The following CFAP91 variants were observed in gnomAD, a reference collection of about 807,000 sequenced individuals.
CFAP91 encodes the protein cilia- and flagella-associated protein 91.
Under a neutral mutation model 95.9 loss-of-function variants are expected in CFAP91, and 85 were observed. The ratio of observed to expected loss-of-function variants is 0.89; its 90% CI spans 0.74 to 1.06. The LOEUF is 1.06. Ranked by LOEUF, CFAP91 falls within the 50% of genes least tolerant of loss-of-function variation. The probability of loss-of-function intolerance (pLI) is 0.00; values close to 1 mark genes in which losing one functional copy is unlikely to be tolerated. For synonymous variants in CFAP91, 335 were observed against 327.5 expected, an observed-to-expected ratio of 1.02 and a Z score of -0.25; for missense variants, 962 against 943.4, an observed-to-expected ratio of 1.02 and a Z score of -0.26.
intron 10 of CFAP91, among the ~76,000 whole-genome samples, chr3:119,734,372 C>T (rs1408088027): frequency 6.6e-6 from 1 of 152,118 alleles, no homozygotes; most frequent in Non-Finnish European, 1.5e-5. Flanking sequence ...CATCCCCACG[C>T]CCCCATCTCC....
At chr3:119,736,075 C>T (rs1329929593) in intron 10 of CFAP91, among the ~76,000 whole-genome samples, 1 of 151,660 alleles carries the variant, frequency 6.6e-6, no homozygotes, top group African/African-American at 2.4e-5. Context: ...AATTCGCACA[C>T]AATAAAATCA....
chr3:119,729,000 G>A (rs55734421), intron 7 of CFAP91, among the ~76,000 whole-genome samples: 5,518 of 152,252 alleles, frequency 0.036, 343 homozygotes, highest in African/African-American at 0.13. Flanking sequence ...CATATGGTGG[G>A]CACTTAATAA....
Position 119,707,433 on chromosome 3 carries a change from C to G in CFAP91, c.231C>G (p.Phe77Leu), listed in dbSNP as rs1187716958. The change falls in exon 3 of 18, where the codon TTC becomes TTG. Residue 77 changes from phenylalanine to leucine, a missense_variant. Coordinates refer to ENST00000273390, the MANE Select transcript of CFAP91 (RefSeq NM_033364.4). ...AAGTTCCCAGGTTTAAAACCATGTT[C>G]AGTAACCTGATCCATTATCCAAGAT... The part of the protein sequence containing the change: ...LRKVPRFKTM[F>L]SNLIHYPRYS... 2.7e-5 allele frequency: 43 copies of G among 1,581,988 alleles called. No individual in the cohort carries two copies. The highest frequency in any genetic ancestry group is 4.0e-5 in the African/African-American group (3 of 74,484).
chr3:119,719,879 G>A (rs1262019040), intron 6 of CFAP91, among the ~76,000 whole-genome samples: 1 of 151,866 alleles, frequency 6.6e-6, no homozygotes. Flanking sequence ...GAGGCAGGCG[G>A]ATCACTTGAG....
intron 6 of CFAP91, 171 bp downstream of exon 6, chr3:119,715,914 G>C (rs2053565549): frequency 1.6e-6 from 1 of 619,606 alleles, no homozygotes; most frequent in Non-Finnish European, 2.9e-6. Flanking sequence ...GTCAAATAAA[G>C]ATACTATCTT....
chr3:119,715,554 T>A lies in CFAP91; in HGVS notation c.501-8T>A. On this transcript the variant is annotated splice_region_variant and splice_polypyrimidine_tract_variant and intron_variant, in intron 5 of 17. Transcript: ENST00000273390. ...GTTTCAATTTTTAAACTGATTTTTC[T>A]CTTTTAGGGCAGAACCATACACTTT... 6.2e-7 allele frequency: 1 copy of A among 1,612,494 alleles called. No individual in the cohort carries two copies. The highest frequency in any genetic ancestry group is 1.1e-5 in the South Asian group (1 of 90,922).
At chr3:119,752,706 A>G (rs1044215334) in intron 17 of CFAP91, among the ~76,000 whole-genome samples, 4 of 152,204 alleles carry the variant, frequency 2.6e-5, no homozygotes, top group African/African-American at 4.8e-5. Flanking sequence ...TACCTACTCT[A>G]TGACATCCAT....
intron 6 of CFAP91, among the ~76,000 whole-genome samples, chr3:119,725,372 A>C (rs1404674521): frequency 1.3e-5 from 2 of 152,250 alleles, no homozygotes; most frequent in Admixed American, 1.3e-4. Flanking sequence ...CAGGTAAGAG[A>C]TAGCCCTAAA....
chr3:119,748,070 G>T (rs1326687691), intron 16 of CFAP91, among the ~76,000 whole-genome samples, 168 bp downstream of exon 16: 1 of 152,162 alleles, frequency 6.6e-6, no homozygotes. Context: ...CCTGATTCTA[G>T]AATATAATCA....
chr3:119,704,060 C>A (rs2053311980), intron 1 of CFAP91, among the ~76,000 whole-genome samples: 1 of 152,206 alleles, frequency 6.6e-6, no homozygotes, highest in African/African-American at 2.4e-5. Flanking sequence ...ATCTAGGGTA[C>A]ACATTCCTAG....
intron 14 of CFAP91, 41 bp downstream of exon 14, chr3:119,744,237 G>A (rs2054180652): frequency 2.0e-6 from 3 of 1,499,810 alleles, no homozygotes; most frequent in Non-Finnish European, 2.7e-6. Context: ...TGCCTAGAAG[G>A]AGCCAAGTCA....
intron 5 of CFAP91, chr3:119,713,285 A>C (rs1253406418): frequency 6.6e-6 from 1 of 151,308 alleles, no homozygotes; most frequent in Non-Finnish European, 1.5e-5. Context: ...ACACCCAGCT[A>C]ATTTTTTGTA....
chr3:119,710,418 C>T (rs531444883), intron 5 of CFAP91: 3 of 153,882 alleles, frequency 1.9e-5, no homozygotes, highest in Non-Finnish European at 4.3e-5. Flanking sequence ...CAAAAAGGAC[C>T]TATGCTAGTT....
At chr3:119,737,561 C>T (rs1312367783) in intron 11 of CFAP91, 79 bp downstream of exon 11, 37 of 867,868 alleles carry the variant, frequency 4.3e-5, no homozygotes, top group Non-Finnish European at 6.5e-5. Flanking sequence ...TAGCTTAAAG[C>T]AAATCTAATT....
intron 5 of CFAP91, among the ~76,000 whole-genome samples, chr3:119,712,382 C>G (rs2053487244): frequency 1.3e-5 from 2 of 152,034 alleles, no homozygotes; most frequent in African/African-American, 4.8e-5. Context: ...TTCATTAGGC[C>G]TTATTATAAA....
chr3:119,716,501 C>G (rs2053577101), intron 6 of CFAP91, among the ~76,000 whole-genome samples: 1 of 152,188 alleles, frequency 6.6e-6, no homozygotes, highest in Non-Finnish European at 1.5e-5. Context: ...AGTCTGCGTC[C>G]CAGACAAAGA....
chr3:119,722,477 G>GA (rs946805535), intron 6 of CFAP91, among the ~76,000 whole-genome samples: 1 of 151,814 alleles, frequency 6.6e-6, no homozygotes, highest in Admixed American at 6.6e-5. Context: ...AAAAAATCTT[G>GA]AAAAAAATTA....
intron 17 of CFAP91, among the ~76,000 whole-genome samples, chr3:119,763,020 G>A (rs535259618): frequency 2.0e-5 from 3 of 152,056 alleles, no homozygotes; most frequent in Non-Finnish European, 4.4e-5. Flanking sequence ...AATAAACAGA[G>A]TGAAGAGACA....
chr3:119,747,809 AGCCG>A lies in CFAP91; in HGVS notation c.2052-1_2054del. ...TAATTCAATTTGTTTTATATTTTTT[AGCCG>A]AACCTATCTTCAGTCAGAGGAGATT... On this transcript the variant is annotated splice_acceptor_variant and coding_sequence_variant, in exon 16 of 18. Coordinates refer to ENST00000273390, the MANE Select transcript of CFAP91 (RefSeq NM_033364.4). LOFTEE classifies it high-confidence loss of function. The A allele has an allele frequency of 1.2e-6, 2 of 1,610,814 alleles. No individual in the cohort carries two copies. Among genetic ancestry groups the A allele is most frequent in the Non-Finnish European group, 1.7e-6 (2 of 1,178,600 alleles).
Sources: allele counts gnomAD v4.1 joint callset (sites outside exome capture counted in the v4.1 genomes callset), GRCh38; gene constraint gnomAD v4.1.1; transcripts MANE v1.5; gene names NCBI Gene and HGNC (gene_info 2026-07-23, HGNC 2026-07-21).